PLOD2: variants seen among roughly 807,000 people sequenced by gnomAD.
The protein encoded by PLOD2 is procollagen-lysine,2-oxoglutarate 5-dioxygenase 2, also known as lysine hydroxylase 2.
In PLOD2, 65 loss-of-function variants were observed where a neutral mutation model predicts 101.0. The ratio of observed to expected loss-of-function variants is 0.64; its 90% CI spans 0.53 to 0.79. The LOEUF (loss-of-function observed/expected upper bound fraction) is 0.79, where lower values mean the gene tolerates loss of function less well. Among genes scored for constraint, PLOD2 ranks in the 30% least tolerant of loss-of-function variants. The pLI, the probability that PLOD2 is intolerant of heterozygous loss-of-function variation, is 0.00. For missense variants in PLOD2, 909 were observed against 914.6 expected (o/e 0.99, Z 0.08); for synonymous variants, 314 against 302.9 (o/e 1.04, Z -0.38).
intron 7 of PLOD2, among the ~76,000 whole-genome samples, chr3:146,093,403 C>T (rs747658038): frequency 4.6e-5 from 7 of 152,234 alleles, no homozygotes; most frequent in East Asian, 1.9e-4. Context: ...ATGATATTAA[C>T]GACATTTCAA....
At chr3:146,073,494 AT>A (rs1299963987) in intron 15 of PLOD2, 142 bp from the exon 16 acceptor site, 8 of 401,850 alleles carry the variant, frequency 2.0e-5, no homozygotes, top group Non-Finnish European at 2.8e-5. Context: ...AAATCACAGT[AT>A]ATAGCCTAAT....
At chr3:146,087,509 A>T (rs1936822319) in intron 9 of PLOD2, among the ~76,000 whole-genome samples, 1 of 151,952 alleles carries the variant, frequency 6.6e-6, no homozygotes, top group Non-Finnish European at 1.5e-5. Flanking sequence ...TACCAATTTT[A>T]GTGTGATTCG....
chr3:146,121,374 A>C, intron 2 of PLOD2, 126 bp from the exon 3 acceptor site: 1 of 804,376 alleles, frequency 1.2e-6, no homozygotes, highest in East Asian at 2.6e-5. Flanking sequence ...GTTTCATGGA[A>C]TCATGATTCT....
chr3:146,131,749 T>C (rs945672094), intron 1 of PLOD2, among the ~76,000 whole-genome samples: 1 of 152,214 alleles, frequency 6.6e-6, no homozygotes, highest in East Asian at 1.9e-4. Flanking sequence ...CTAGGTTTCA[T>C]TGCACACAAT....
chr3:146,070,903 G>A, intron 19 of PLOD2, 31 bp from the exon 20 acceptor site: 1 of 1,575,898 alleles, frequency 6.3e-7, no homozygotes, highest in Non-Finnish European at 8.7e-7. Flanking sequence ...AAATACATCA[G>A]ATTATATTTA....
intron 1 of PLOD2, among the ~76,000 whole-genome samples, chr3:146,137,081 C>A (rs545431136): frequency 4.6e-5 from 7 of 152,212 alleles, no homozygotes; most frequent in African/African-American, 1.7e-4. Flanking sequence ...CATGTTAATG[C>A]TTTAATGAGA....
chr3:146,146,449 T>C (rs1393508000), intron 1 of PLOD2, among the ~76,000 whole-genome samples: 1 of 152,116 alleles, frequency 6.6e-6, no homozygotes, highest in Non-Finnish European at 1.5e-5. Flanking sequence ...AGGATACGGT[T>C]TACCCTACAC....
chr3:146,133,273 C>T (rs559718705), intron 1 of PLOD2, among the ~76,000 whole-genome samples: 8 of 152,240 alleles, frequency 5.3e-5, no homozygotes, highest in Non-Finnish European at 7.4e-5. Flanking sequence ...ATAGCAACAA[C>T]TGATCAAGAA....
rs143126741 is a variant in PLOD2, at chr3:146,083,743, G to A, written c.1232+1426C>T. ...ACTACAGGTGCCCGCTACCACGCCC[G>A]GCTAATTTTTTGTATTTTTAGTAGA... On this transcript the variant is annotated intron_variant, in intron 11 of 19. Transcript: ENST00000282903. 9.9e-4 allele frequency among the ~76,000 whole-genome samples: 150 copies of A among 151,780 alleles called. 1 individual carries two copies. Among genetic ancestry groups the A allele is most frequent in the African/African-American group, 3.5e-3 (144 of 41,472 alleles).
intron 1 of PLOD2, among the ~76,000 whole-genome samples, chr3:146,126,178 A>G (rs1418754443): frequency 1.3e-5 from 2 of 152,186 alleles, no homozygotes; most frequent in Non-Finnish European, 2.9e-5. Flanking sequence ...TCCTATGCCA[A>G]ATAAGAACTC....
At chr3:146,071,515 G>T (rs1559830949) in intron 17 of PLOD2, 92 bp from the exon 18 acceptor site, 5 of 1,194,666 alleles carry the variant, frequency 4.2e-6, no homozygotes, top group South Asian at 2.5e-5. Context: ...GATCATAATA[G>T]ACAATAAAAA....
chr3:146,087,018 T>TATTCA (rs1250025676), intron 9 of PLOD2, 110 bp from the exon 10 acceptor site: 1 of 554,790 alleles, frequency 1.8e-6, no homozygotes, highest in Non-Finnish European at 3.1e-6. Flanking sequence ...ACAATTCAGA[T>TATTCA]ATTCAATTAC....
chr3:146,092,166 T>C (rs1177861738), intron 7 of PLOD2, among the ~76,000 whole-genome samples: 2 of 151,830 alleles, frequency 1.3e-5, no homozygotes, highest in Non-Finnish European at 2.9e-5. Flanking sequence ...TTAGATATAA[T>C]ACCGGAAAGG....
intron 3 of PLOD2, among the ~76,000 whole-genome samples, chr3:146,118,141 T>G (rs1313394860): frequency 6.6e-6 from 1 of 152,136 alleles, no homozygotes; most frequent in Non-Finnish European, 1.5e-5. Context: ...ATGGTAATTT[T>G]AAACCAAAAC....
At chr3:146,073,581 G>T (rs1936227627) in intron 15 of PLOD2, 1 of 238,312 alleles carries the variant, frequency 4.2e-6, no homozygotes, top group Non-Finnish European at 8.2e-6. Context: ...TGTACCTCAG[G>T]ATTTTAAAAC....
intron 1 of PLOD2, among the ~76,000 whole-genome samples, chr3:146,142,505 A>T (rs1203262207): frequency 6.6e-6 from 1 of 152,036 alleles, no homozygotes; most frequent in Non-Finnish European, 1.5e-5. Context: ...GTTATCAGGG[A>T]TCTTTTTCCA....
chr3:146,096,149 GA>G (rs1262017314), intron 7 of PLOD2, among the ~76,000 whole-genome samples: 1 of 149,114 alleles, frequency 6.7e-6, no homozygotes. Context: ...TCGGCCTCCC[GA>G]GGTGCCGGGA....
At chr3:146,134,435 C>G (rs987444075) in intron 1 of PLOD2, among the ~76,000 whole-genome samples, 12 of 152,044 alleles carry the variant, frequency 7.9e-5, no homozygotes, top group African/African-American at 2.7e-4. Context: ...ACAAATAGAG[C>G]GGACTTTAAT....
intron 12 of PLOD2, among the ~76,000 whole-genome samples, chr3:146,079,949 C>G (rs1348720878): frequency 6.6e-6 from 1 of 151,942 alleles, no homozygotes; most frequent in East Asian, 1.9e-4. Context: ...CATCCTTTCC[C>G]ACATCTATAT....
Sources: allele counts gnomAD v4.1 joint callset (sites outside exome capture counted in the v4.1 genomes callset), GRCh38; gene constraint gnomAD v4.1.1; transcripts MANE v1.5; gene names NCBI Gene and HGNC (gene_info 2026-07-23, HGNC 2026-07-21).